The following ATP8B4 variants were observed in gnomAD, a reference collection of about 807,000 sequenced individuals.
ATP8B4 encodes the protein probable phospholipid-transporting ATPase IM.
A neutral mutation model predicts 145.6 loss-of-function variants in ATP8B4; 133 were observed. That is an observed-to-expected ratio of 0.91 (90% CI 0.79 to 1.05). The LOEUF is 1.05. Among genes scored for constraint, ATP8B4 ranks in the 50% least tolerant of loss-of-function variants. ATP8B4 has a pLI of 0.00. For synonymous variants in ATP8B4, 507 were observed against 492.9 expected, an observed-to-expected ratio of 1.03 and a Z score of -0.38; for missense variants, 1,458 against 1,425.2, an observed-to-expected ratio of 1.02 and a Z score of -0.37.
intron 1 of ATP8B4, among the ~76,000 whole-genome samples, chr15:50,118,104 A>G (rs769988771): frequency 1.1e-4 from 17 of 152,168 alleles, no homozygotes; most frequent in Non-Finnish European, 2.5e-4. Flanking sequence ...GTAGTATGAC[A>G]ATAGATAATG....
chr15:50,103,687 C>T (rs776689395), intron 2 of ATP8B4, among the ~76,000 whole-genome samples: 13 of 152,022 alleles, frequency 8.6e-5, no homozygotes, highest in Admixed American at 2.6e-4. Context: ...AATGCAATTC[C>T]CATCAAAATA....
rs369353211 is a variant in ATP8B4, at chr15:49,918,831, C to T, written c.2035+8G>A. ...TCAAAATATCATCAACATCCATTTT[C>T]AAGTTACCTTGTTTGTCTCCTGTTA... is the stretch of plus-strand genomic sequence containing the variant. On this transcript the variant is annotated splice_region_variant and intron_variant, in intron 19 of 27. Transcript: ENST00000284509. 7.6e-6 allele frequency: 12 copies of T among 1,582,328 alleles called. No individual in the cohort carries two copies. The highest frequency in any genetic ancestry group is 9.5e-6 in the Non-Finnish European group (11 of 1,155,950).
chr15:49,937,637 T>G (rs758726057), intron 14 of ATP8B4, among the ~76,000 whole-genome samples: 6 of 152,152 alleles, frequency 3.9e-5, no homozygotes, highest in Non-Finnish European at 7.4e-5. Flanking sequence ...TCTTAGACTA[T>G]CTATGGTTTG....
intron 2 of ATP8B4, among the ~76,000 whole-genome samples, chr15:50,077,728 C>G: frequency 6.6e-6 from 1 of 152,138 alleles, no homozygotes; most frequent in East Asian, 1.9e-4. Context: ...TCCCACACCC[C>G]CTTCTTTGCC....
chr15:49,992,489 C>T (rs191269394), intron 9 of ATP8B4, among the ~76,000 whole-genome samples: 2 of 152,244 alleles, frequency 1.3e-5, no homozygotes, highest in Admixed American at 1.3e-4. Context: ...CAGAAAGACA[C>T]TATCTTTGAA....
At chr15:49,920,043 C>T (rs752225645) in intron 18 of ATP8B4, among the ~76,000 whole-genome samples, 5 of 152,214 alleles carry the variant, frequency 3.3e-5, no homozygotes, top group Non-Finnish European at 7.3e-5. Flanking sequence ...GCATAAGCTA[C>T]TGCTAATAGA....
chr15:50,060,179 AG>A (rs1406546159), intron 3 of ATP8B4, among the ~76,000 whole-genome samples: 1 of 152,188 alleles, frequency 6.6e-6, no homozygotes, highest in Non-Finnish European at 1.5e-5. Context: ...CTAGGAAGGA[AG>A]GAGGGCAGGC....
Position 49,937,600 on chromosome 15 carries a change from CA to C in ATP8B4, c.1288-3419del, listed in dbSNP as rs575875358. Among the ~76,000 whole-genome samples, 379 of 152,118 alleles carry C rather than the reference CA, an allele frequency of 2.5e-3. 4 individuals carry two copies. Among genetic ancestry groups the C allele is most frequent in the African/African-American group, 8.8e-3 (366 of 41,508 alleles). Reference sequence around the variant, plus strand: ...TAGGTGATAGGGATTCAGAAATGAACAAAACAAAAATCTCTAGCCTCATGGA... The same window carrying C: ...TAGGTGATAGGGATTCAGAAATGAACAAACAAAAATCTCTAGCCTCATGGA... On this transcript the variant is annotated intron_variant, in intron 14 of 27. Transcript: ENST00000284509.
chr15:50,067,421 C>T (rs1216970876), intron 3 of ATP8B4, among the ~76,000 whole-genome samples: 1 of 152,136 alleles, frequency 6.6e-6, no homozygotes. Context: ...GGTCTGACTA[C>T]AGGCTTTTGC....
Position 49,997,712 on chromosome 15 carries a change from G to A in ATP8B4, c.507-953C>T, listed in dbSNP as rs149047538. ...CAGCCAAAAAGCAGGTACCTAAGAA[G>A]GCATCCAATCTTAACCTTCCGTAAA... is the stretch of plus-strand genomic sequence containing the variant. On this transcript the variant is annotated intron_variant, in intron 8 of 27. Transcript: ENST00000284509. 6.4e-4 allele frequency among the ~76,000 whole-genome samples: 98 copies of A among 152,156 alleles called. 1 individual carries two copies. Among genetic ancestry groups the A allele is most frequent in the African/African-American group, 2.2e-3 (93 of 41,522 alleles).
chr15:49,870,355 T>C lies in ATP8B4; in HGVS notation c.3028-3871A>G, dbSNP rs560978079. ...ATTTAAGCTATGGTCATCATCATAG[T>C]AGTTAAAGAAGGGAAGGAAAGGAAG... On this transcript the variant is annotated intron_variant, in intron 25 of 27. Coordinates refer to ENST00000284509, the MANE Select transcript of ATP8B4 (RefSeq NM_024837.4). 1.8e-4 allele frequency among the ~76,000 whole-genome samples: 27 copies of C among 152,284 alleles called. No individual in the cohort carries two copies. In the South Asian group the frequency reaches 4.8e-3, roughly 27 times the overall value.
chr15:49,945,918 C>T (rs1429239914), intron 14 of ATP8B4, among the ~76,000 whole-genome samples: 1 of 152,102 alleles, frequency 6.6e-6, no homozygotes, highest in African/African-American at 2.4e-5. Context: ...AAACTGAAAG[C>T]TTTTTCTGTA....
intron 23 of ATP8B4, among the ~76,000 whole-genome samples, chr15:49,881,343 A>C (rs2035382993): frequency 6.6e-6 from 1 of 152,218 alleles, no homozygotes; most frequent in South Asian, 2.1e-4. Flanking sequence ...TGAGTATATT[A>C]ACTGTCTTTT....
At chr15:50,085,005 G>A (rs576879193) in intron 2 of ATP8B4, among the ~76,000 whole-genome samples, 1 of 152,106 alleles carries the variant, frequency 6.6e-6, no homozygotes, top group Non-Finnish European at 1.5e-5. Flanking sequence ...TGGGGCAAGG[G>A]GTATTATTTT....
At chr15:50,017,357 G>A (rs2049170328) in intron 6 of ATP8B4, among the ~76,000 whole-genome samples, 1 of 152,038 alleles carries the variant, frequency 6.6e-6, no homozygotes, top group Non-Finnish European at 1.5e-5. Context: ...AACATATTTT[G>A]ATTTAAAAAA....
At chr15:50,120,968 G>A (rs1027086015), upstream of ATP8B4, among the ~76,000 whole-genome samples, 3 of 152,074 alleles carry the variant, frequency 2.0e-5, no homozygotes, top group Non-Finnish European at 4.4e-5. Flanking sequence ...ACAGTGCCTG[G>A]AGCAAAGTAG....
intron 14 of ATP8B4, among the ~76,000 whole-genome samples, chr15:49,960,325 C>A (rs1035359655): frequency 1.1e-4 from 16 of 152,148 alleles, no homozygotes; most frequent in Non-Finnish European, 2.4e-4. Flanking sequence ...CCACGCCCAG[C>A]CTTTGTCAAT....
intron 6 of ATP8B4, among the ~76,000 whole-genome samples, chr15:50,011,647 T>C (rs1288366512): frequency 6.6e-6 from 1 of 152,184 alleles, no homozygotes; most frequent in Non-Finnish European, 1.5e-5. Flanking sequence ...ATTTGGCCCC[T>C]GATGACAAGT....
intron 23 of ATP8B4, among the ~76,000 whole-genome samples, chr15:49,886,807 A>G (rs1390671228): frequency 2.7e-5 from 4 of 148,292 alleles, no homozygotes; most frequent in Non-Finnish European, 4.5e-5. Flanking sequence ...TAAGGCCACA[A>G]GCAATTTTTT....
Sources: allele counts gnomAD v4.1 joint callset (sites outside exome capture counted in the v4.1 genomes callset), GRCh38; gene constraint gnomAD v4.1.1; transcripts MANE v1.5; gene names NCBI Gene and HGNC (gene_info 2026-07-23, HGNC 2026-07-21).